Variants in ANKRD11 observed in about 807,000 individuals in gnomAD.
The protein encoded by ANKRD11 is ankyrin repeat domain 11.
ANKRD11 carries 17 observed loss-of-function variants against 195.7 expected under a neutral mutation model. That is an observed-to-expected ratio of 0.09 (90% CI 0.06 to 0.13). The LOEUF (loss-of-function observed/expected upper bound fraction) is 0.13, where lower values mean the gene tolerates loss of function less well. Among genes scored for constraint, ANKRD11 ranks in the 10% least tolerant of loss-of-function variants. ANKRD11 has a pLI of 1.00. For synonymous variants in ANKRD11, 1,953 were observed against 1,528.1 expected, an observed-to-expected ratio of 1.28 and a Z score of -6.49; for missense variants, 3,735 against 3,566.1, an observed-to-expected ratio of 1.05 and a Z score of -1.21.
intron 2 of ANKRD11, among the ~76,000 whole-genome samples, chr16:89,414,370 GTCAC>G (rs780793848): frequency 6.6e-6 from 1 of 152,166 alleles, no homozygotes; most frequent in Non-Finnish European, 1.5e-5. Flanking sequence ...GCAGTCCGCT[GTCAC>G]TCACGGCCAC....
Position 89,279,979 on chromosome 16 carries a change from G to C in ANKRD11, c.6563C>G (p.Pro2188Arg), listed in dbSNP as rs746235129. Residue 2188 changes from proline (P) to arginine (R), a missense_variant, in exon 9 of 13, where the codon CCG becomes CGG. Transcript: ENST00000301030. This position sits in a 1 kb window ranked among gnomAD's most constrained non-coding sequence, Gnocchi z 5.6. ...DVSTVVAEEP[P>R]ALPPDQASTR... ...GGAGGCCTGGTCAGGAGGCAGTGCC[G>C]GCGGCTCCTCAGCCACTACGGTGGA... 6.2e-7 allele frequency: 1 copy of C among 1,611,060 alleles called. No individual in the cohort carries two copies. The highest frequency in any genetic ancestry group is 2.2e-5 in the East Asian group (1 of 44,872).
chr16:89,461,617 A>G (rs1024044441), intron 1 of ANKRD11, among the ~76,000 whole-genome samples: 1 of 152,168 alleles, frequency 6.6e-6, no homozygotes, highest in Non-Finnish European at 1.5e-5. Context: ...CTGAGACTAC[A>G]GGCGTGAGCC....
At chr16:89,332,923 G>A (rs1478940968) in intron 2 of ANKRD11, among the ~76,000 whole-genome samples, 1 of 152,250 alleles carries the variant, frequency 6.6e-6, no homozygotes, top group Non-Finnish European at 1.5e-5. Flanking sequence ...TGAGAACGTA[G>A]TTACAAACTC....
chr16:89,405,364 C>T (rs531302568), intron 2 of ANKRD11, among the ~76,000 whole-genome samples: 4 of 152,178 alleles, frequency 2.6e-5, no homozygotes, highest in East Asian at 1.9e-4. Flanking sequence ...GGCTCTGTCA[C>T]GCAGGCTAGA....
intron 1 of ANKRD11, among the ~76,000 whole-genome samples, chr16:89,469,125 G>C (rs565756122): frequency 6.6e-6 from 1 of 152,054 alleles, no homozygotes; most frequent in African/African-American, 2.4e-5. Context: ...AGAGCCTGCA[G>C]TGAGCCACCA....
chr16:89,306,144 C>T (rs2036213577), intron 3 of ANKRD11, among the ~76,000 whole-genome samples: 1 of 97,452 alleles, frequency 1.0e-5, no homozygotes, highest in African/African-American at 4.3e-5. Flanking sequence ...CCTCCCACTC[C>T]GCAGACACGC....
chr16:89,277,266 G>A (rs981529211), intron 9 of ANKRD11, among the ~76,000 whole-genome samples: 2 of 152,100 alleles, frequency 1.3e-5, no homozygotes, highest in Non-Finnish European at 2.9e-5. Flanking sequence ...CCCAGGACCC[G>A]GCACCACCCC....
At chr16:89,408,356 C>T (rs1597316311) in intron 2 of ANKRD11, among the ~76,000 whole-genome samples, 1 of 152,234 alleles carries the variant, frequency 6.6e-6, no homozygotes, top group Non-Finnish European at 1.5e-5. Context: ...GCAAAACCAC[C>T]AGGTTTGATG....
intron 1 of ANKRD11, among the ~76,000 whole-genome samples, chr16:89,440,657 TAAG>T (rs771384420): frequency 5.3e-5 from 8 of 151,596 alleles, no homozygotes; most frequent in Non-Finnish European, 8.8e-5. Flanking sequence ...GAAGAAAGCA[TAAG>T]AAAATATCAA....
At chr16:89,357,805 G>A (rs1298051255) in intron 2 of ANKRD11, among the ~76,000 whole-genome samples, 3 of 152,258 alleles carry the variant, frequency 2.0e-5, no homozygotes, top group Non-Finnish European at 4.4e-5. Context: ...TCATCGGCAA[G>A]CCAATCCATG....
At chr16:89,415,431 A>AT (rs1220431596) in intron 2 of ANKRD11, among the ~76,000 whole-genome samples, 1 of 148,536 alleles carries the variant, frequency 6.7e-6, no homozygotes, top group Admixed American at 6.7e-5. Context: ...TGCCCGGCTA[A>AT]TTTTTTGTAT....
chr16:89,455,245 CTG>C (rs1555589279), intron 1 of ANKRD11, among the ~76,000 whole-genome samples: 1 of 145,890 alleles, frequency 6.9e-6, no homozygotes, highest in South Asian at 2.3e-4. Flanking sequence ...CCCCTGGGTG[CTG>C]TTAGGCTTCC....
intron 2 of ANKRD11, among the ~76,000 whole-genome samples, chr16:89,362,371 C>T (rs1258848480): frequency 6.6e-6 from 1 of 152,144 alleles, no homozygotes; most frequent in South Asian, 2.1e-4. Context: ...GGAAGCAGAA[C>T]CAAAACCTGA....
At chr16:89,305,414 C>T in intron 3 of ANKRD11, 70 bp from the exon 4 acceptor site, 1 of 1,604,684 alleles carries the variant, frequency 6.2e-7, no homozygotes, top group Non-Finnish European at 8.5e-7. Flanking sequence ...GATTTTGTTT[C>T]ATATGCCAGG....
chr16:89,435,796 T>TCTCA (rs139190903), intron 1 of ANKRD11, among the ~76,000 whole-genome samples: 8 of 143,018 alleles, frequency 5.6e-5, no homozygotes, highest in South Asian at 2.3e-4. Context: ...CACCAGCTCT[T>TCTCA]CACACACACA....
Position 89,280,691 on chromosome 16 carries a change from C to G in ANKRD11, c.5851G>C (p.Ala1951Pro). The change falls in exon 9 of 13, where the codon GCC becomes CCC. Residue 1951 changes from alanine (A) to proline (P), a missense_variant. Physicochemically the swap from Ala to Pro is conservative, Grantham distance 27. Coordinates refer to ENST00000301030, the MANE Select transcript of ANKRD11 (RefSeq NM_013275.6). ...GCAAGCGCCTGCTCGGAGGGGTGGGCCCACTCAACGGGCTCCTCGGTGATG... is the reference window on the plus strand; with the variant it reads ...GCAAGCGCCTGCTCGGAGGGGTGGGGCCACTCAACGGGCTCCTCGGTGATG... Reference protein sequence around the residue: ...AVITEEPVEWAHPSEQALASS... With the variant: ...AVITEEPVEWPHPSEQALASS... 6.2e-7 allele frequency: 1 copy of G among 1,613,354 alleles called. No individual in the cohort carries two copies. Among genetic ancestry groups the G allele is most frequent in the South Asian group, 1.1e-5 (1 of 91,084 alleles).
intron 2 of ANKRD11, among the ~76,000 whole-genome samples, chr16:89,328,107 C>T (rs544276050): frequency 2.6e-5 from 4 of 152,218 alleles, no homozygotes; most frequent in South Asian, 2.1e-4. Context: ...TGAAGGCACT[C>T]GACATCCTAA....
intron 1 of ANKRD11, among the ~76,000 whole-genome samples, chr16:89,430,054 G>T (rs1437096625): frequency 3.2e-5 from 4 of 125,426 alleles, no homozygotes; most frequent in African/African-American, 6.4e-5. Context: ...ACACAGCAGG[G>T]ACTCTCAACT....
intron 2 of ANKRD11, among the ~76,000 whole-genome samples, chr16:89,364,724 G>A (rs1475316348): frequency 2.6e-5 from 4 of 152,160 alleles, no homozygotes; most frequent in Non-Finnish European, 4.4e-5. Context: ...GCCATGGGCC[G>A]CGGGCTGGAC....
Sources: gnomAD v4.1 joint callset for allele counts (sites outside exome capture counted in the v4.1 genomes callset) on GRCh38, gnomAD v4.1.1 for gene constraint, Gnocchi (gnomAD v3.1) non-coding constraint, MANE v1.5 for transcripts, NCBI Gene and HGNC (gene_info 2026-07-23, HGNC 2026-07-21) for gene names.